CEP112: variants seen among roughly 807,000 people sequenced by gnomAD.
CEP112 encodes the protein centrosomal protein of 112 kDa.
Under a neutral mutation model 153.0 loss-of-function variants are expected in CEP112, and 127 were observed. The ratio of observed to expected loss-of-function variants is 0.83; its 90% CI spans 0.72 to 0.96. The LOEUF is 0.96. Among genes scored for constraint, CEP112 ranks in the 40% least tolerant of loss-of-function variants. CEP112 has a pLI of 0.00. For missense variants in CEP112, 1,089 were observed against 1,101.2 expected (o/e 0.99, Z 0.16); for synonymous variants, 358 against 374.4 (o/e 0.96, Z 0.51).
At chr17:65,807,664 C>G (rs998039164) in intron 21 of CEP112, among the ~76,000 whole-genome samples, 1 of 152,224 alleles carries the variant, frequency 6.6e-6, no homozygotes, top group Non-Finnish European at 1.5e-5. Flanking sequence ...ACAGCTCAGG[C>G]CATTGCTTCA....
chr17:65,734,295 G>A (rs965480862), intron 23 of CEP112, among the ~76,000 whole-genome samples: 8 of 152,194 alleles, frequency 5.3e-5, no homozygotes, highest in African/African-American at 1.9e-4. Context: ...GGATCATAGA[G>A]AACATGGCAT....
chr17:66,000,134 T>C (rs947331789), intron 17 of CEP112, among the ~76,000 whole-genome samples: 2 of 152,118 alleles, frequency 1.3e-5, no homozygotes, highest in Admixed American at 1.3e-4. Flanking sequence ...TTTTAGGTCT[T>C]TGAGGAATTG....
intron 8 of CEP112, among the ~76,000 whole-genome samples, chr17:66,072,785 C>T (rs555582354): frequency 3.5e-4 from 54 of 152,244 alleles, no homozygotes; most frequent in African/African-American, 1.1e-3. Flanking sequence ...TACCTTGATG[C>T]TACAGAATAC....
chr17:65,747,331 A>G (rs1329807855), intron 22 of CEP112, among the ~76,000 whole-genome samples: 2 of 152,198 alleles, frequency 1.3e-5, no homozygotes, highest in Non-Finnish European at 2.9e-5. Context: ...GTCATGTGGA[A>G]TATTCCCAGG....
chr17:66,042,704 A>T (rs1313549728), intron 12 of CEP112, among the ~76,000 whole-genome samples: 21 of 152,222 alleles, frequency 1.4e-4, no homozygotes, highest in Admixed American at 1.4e-3. Flanking sequence ...TTTAGCTAAT[A>T]GTGTATCAAT....
At chr17:65,652,068 T>C (rs1273534849) in intron 24 of CEP112, among the ~76,000 whole-genome samples, 3 of 152,212 alleles carry the variant, frequency 2.0e-5, no homozygotes, top group Non-Finnish European at 2.9e-5. Context: ...ACATCACTAA[T>C]GATCAGGAAA....
chr17:66,157,843 C>G (rs1377373344), intron 4 of CEP112, among the ~76,000 whole-genome samples: 1 of 152,144 alleles, frequency 6.6e-6, no homozygotes, highest in South Asian at 2.1e-4. Flanking sequence ...GCTAAGTATC[C>G]TAAGTATATA....
At chr17:66,087,166 T>C (rs1399500553) in intron 8 of CEP112, among the ~76,000 whole-genome samples, 1 of 152,170 alleles carries the variant, frequency 6.6e-6, no homozygotes, top group East Asian at 1.9e-4. Flanking sequence ...CATAAGGATT[T>C]AGGAAAAAAT....
At chr17:65,687,485 A>G (rs1412383363) in intron 24 of CEP112, among the ~76,000 whole-genome samples, 1 of 152,020 alleles carries the variant, frequency 6.6e-6, no homozygotes, top group Non-Finnish European at 1.5e-5. Context: ...TTAATTTTTT[A>G]TTCTAGTATT....
At chr17:66,013,628 C>T (rs536976032) in intron 16 of CEP112, among the ~76,000 whole-genome samples, 7 of 152,258 alleles carry the variant, frequency 4.6e-5, no homozygotes, top group Admixed American at 3.3e-4. Flanking sequence ...GTTCCTGGTC[C>T]GATGGCCACA....
At chr17:66,133,601 T>A (rs2070300327) in intron 4 of CEP112, among the ~76,000 whole-genome samples, 2 of 152,216 alleles carry the variant, frequency 1.3e-5, no homozygotes, top group Admixed American at 1.3e-4. Flanking sequence ...TCCTTTAGCC[T>A]GGAGTCTCTC....
At chr17:65,978,667 C>T (rs990099567) in intron 17 of CEP112, among the ~76,000 whole-genome samples, 2 of 152,260 alleles carry the variant, frequency 1.3e-5, no homozygotes, top group Non-Finnish European at 2.9e-5. Context: ...TTTCACACTT[C>T]ATTGCTAATG....
At chr17:65,952,383 T>C (rs2061864724) in intron 18 of CEP112, among the ~76,000 whole-genome samples, 1 of 151,986 alleles carries the variant, frequency 6.6e-6, no homozygotes, top group Non-Finnish European at 1.5e-5. Context: ...CAGTATATAC[T>C]CTTCTGCTTG....
chr17:65,843,079 C>T (rs1029141996), intron 21 of CEP112, among the ~76,000 whole-genome samples: 3 of 152,020 alleles, frequency 2.0e-5, no homozygotes, highest in African/African-American at 7.2e-5. Flanking sequence ...AAGATTATAA[C>T]CCCTGTCATA....
chr17:65,775,644 A>G (rs1381848318), intron 21 of CEP112, among the ~76,000 whole-genome samples: 3 of 152,092 alleles, frequency 2.0e-5, no homozygotes, highest in Non-Finnish European at 4.4e-5. Flanking sequence ...TTGGGATTAC[A>G]GGCATGTGCC....
chr17:66,106,624 C>T (rs1383780343), intron 6 of CEP112, among the ~76,000 whole-genome samples: 1 of 151,898 alleles, frequency 6.6e-6, no homozygotes, highest in Non-Finnish European at 1.5e-5. Context: ...AGAACAAAAA[C>T]AAGTAATGAG....
chr17:65,646,065 ACT>A (rs923356829), intron 24 of CEP112, among the ~76,000 whole-genome samples: 5 of 149,658 alleles, frequency 3.3e-5, no homozygotes, highest in Non-Finnish European at 7.4e-5. Flanking sequence ...GTTTCTCTTG[ACT>A]CTCCTTCCTC....
intron 22 of CEP112, 21 bp downstream of exon 22, chr17:65,750,641 G>C (rs768719497): frequency 1.2e-6 from 2 of 1,608,674 alleles, no homozygotes; most frequent in South Asian, 2.2e-5. Flanking sequence ...ACCCTGTTTT[G>C]TGTCTTTTAA....
chr17:65,689,297 A>G (rs991683369), intron 23 of CEP112, 79 bp from the exon 24 acceptor site: 7 of 960,400 alleles, frequency 7.3e-6, no homozygotes, highest in Non-Finnish European at 1.1e-5. Flanking sequence ...ACTGGCACTA[A>G]AAAGGCCTCA....
Sources: allele counts gnomAD v4.1 joint callset (sites outside exome capture counted in the v4.1 genomes callset), GRCh38; gene constraint gnomAD v4.1.1; transcripts MANE v1.5; gene names NCBI Gene and HGNC (gene_info 2026-07-23, HGNC 2026-07-21).